The following CCDC190 variants were observed in gnomAD, a reference collection of about 807,000 sequenced individuals.
The protein encoded by CCDC190 is coiled-coil domain containing 190, also known as coiled-coil domain-containing protein 190.
Under a neutral mutation model 13.1 loss-of-function variants are expected in CCDC190, and 10 were observed. The observed-to-expected ratio is 0.77, with a 90% CI of 0.47 to 1.30. The LOEUF (loss-of-function observed/expected upper bound fraction) is 1.30. Among genes scored for constraint, CCDC190 ranks in the 50% most tolerant of loss-of-function variants. The pLI, the probability that CCDC190 is intolerant of heterozygous loss-of-function variation, is 0.00. For missense variants in CCDC190, 375 were observed against 354.3 expected (o/e 1.06, Z -0.47); for synonymous variants, 136 against 127.2 (o/e 1.07, Z -0.47).
In CCDC190 at chr1:162,854,876, C is replaced by T. The variant is rs1650229966; in HGVS notation, c.795G>A (p.Glu265=). The T allele has an allele frequency of 6.2e-7, 1 of 1,614,068 alleles. No homozygotes were observed. Among genetic ancestry groups the T allele is most frequent in the South Asian group, 1.1e-5 (1 of 91,084 alleles). ...AHYLRHRVPP[E]SERLLSIGEI... is the part of the protein sequence containing the mutation. ...CTCCAATGCTAAGCAACCTCTCAGACTCAGGGGGGACCCTGTGCCGGAGAT... is the reference window on the plus strand; with the variant it reads ...CTCCAATGCTAAGCAACCTCTCAGATTCAGGGGGGACCCTGTGCCGGAGAT... Residue 265 remains glutamate, a synonymous_variant, in exon 4 of 4, where the codon GAG becomes GAA. Coordinates refer to ENST00000367912, the MANE Select transcript of CCDC190 (RefSeq NM_001394065.1).
chr1:162,857,640 C>T (rs1234668910), intron 2 of CCDC190, among the ~76,000 whole-genome samples: 2 of 152,174 alleles, frequency 1.3e-5, no homozygotes, highest in Non-Finnish European at 2.9e-5. Flanking sequence ...CCATTTTCCT[C>T]CTCCTCTAAG....
chr1:162,855,303 G>A lies in CCDC190; in HGVS notation c.368C>T (p.Pro123Leu). 6.2e-7 allele frequency: 1 copy of A among 1,613,374 alleles called. No individual in the cohort carries two copies. The change falls in exon 4 of 4, where the codon CCT becomes CTT. Residue 123 changes from proline to leucine, a missense_variant. Pro to Leu is a moderately conservative substitution (Grantham distance 98). Transcript: ENST00000367912. ...DTCKSKSQVP[P>L]SHDAGLKDPM... ...GTCTTTGAGGCCAGCATCATGTGAA[G>A]GAGGCACCTGGGACTTGCTTTTGCA... is the stretch of plus-strand genomic sequence containing the variant.
At chr1:162,863,096 A>T (rs905325254), upstream of CCDC190, among the ~76,000 whole-genome samples, 1 of 152,196 alleles carries the variant, frequency 6.6e-6, no homozygotes, top group African/African-American at 2.4e-5. Context: ...TGCTTCCACC[A>T]CCAGAGAAAG....
intron 2 of CCDC190, among the ~76,000 whole-genome samples, chr1:162,856,153 A>G (rs530355329): frequency 5.9e-5 from 9 of 152,328 alleles, no homozygotes; most frequent in South Asian, 2.1e-4. Flanking sequence ...CACCCGGTTT[A>G]TAGTTCTTTG....
chr1:162,863,504 T>TAA (rs5778300), upstream of CCDC190, among the ~76,000 whole-genome samples: 5 of 151,710 alleles, frequency 3.3e-5, no homozygotes, highest in South Asian at 4.2e-4. Flanking sequence ...TTCATGAAAT[T>TAA]AAAAAAAACT....
In CCDC190 at chr1:162,853,375, A is replaced by C. The variant is rs183013604; in HGVS notation, c.*1390T>G. Among the ~76,000 whole-genome samples the C allele has an allele frequency of 8.0e-4, 122 of 152,358 alleles. 1 individual carries two copies. The highest frequency in any genetic ancestry group is 2.8e-3 in the African/African-American group (116 of 41,586). ...ACTATTTTGCAAAGAAAACTTTTGC[A>C]GCATTGTTTTGAGGATCAGTTGGCA... On this transcript the variant is annotated 3_prime_UTR_variant, in exon 4 of 4. Coordinates refer to ENST00000367912, the MANE Select transcript of CCDC190 (RefSeq NM_001394065.1).
chr1:162,859,709 A>G, intron 1 of CCDC190, 51 bp from the exon 2 acceptor site: 2 of 1,456,780 alleles, frequency 1.4e-6, no homozygotes, highest in Non-Finnish European at 1.9e-6. Context: ...AGACTGGGAT[A>G]CTGACCCCGG....
Position 162,854,228 on chromosome 1 carries a change from G to A in CCDC190, c.*537C>T. ...ATGAGCAGGTTGAAAGTGGGAGGGTGAAAACTAAAATGGAGCTATCTGTAA... is the reference window on the plus strand; with the variant it reads ...ATGAGCAGGTTGAAAGTGGGAGGGTAAAAACTAAAATGGAGCTATCTGTAA... On this transcript the variant is annotated 3_prime_UTR_variant, in exon 4 of 4. Coordinates refer to ENST00000367912, the MANE Select transcript of CCDC190 (RefSeq NM_001394065.1). 1.0e-6 allele frequency: 1 copy of A among 985,478 alleles called. No individual in the cohort carries two copies. The highest frequency in any genetic ancestry group is 1.2e-6 in the Non-Finnish European group (1 of 829,966). 61.0% of individuals were successfully genotyped at this position (985,478 alleles called of 1,614,324 possible).
At chr1:162,867,719 T>C (rs915086745) in intron 1 of CCDC190, among the ~76,000 whole-genome samples, 2 of 152,184 alleles carry the variant, frequency 1.3e-5, no homozygotes, top group Non-Finnish European at 2.9e-5. Context: ...AAACAAATTG[T>C]GGTTCATCCA....
intron 1 of CCDC190, among the ~76,000 whole-genome samples, chr1:162,868,011 G>A (rs940610895): frequency 7.2e-5 from 11 of 152,096 alleles, no homozygotes; most frequent in African/African-American, 2.2e-4. Context: ...TATATTTGTC[G>A]AAGCCAACAA....
At chr1:162,856,035 A>G (rs1449435328) in intron 2 of CCDC190, 2 of 243,846 alleles carry the variant, frequency 8.2e-6, no homozygotes, top group Non-Finnish European at 1.6e-5. Flanking sequence ...AGAGGCCTGA[A>G]ACAGAGCCTG....
chr1:162,864,741 A>G (rs1405825295), upstream of CCDC190, among the ~76,000 whole-genome samples: 1 of 152,170 alleles, frequency 6.6e-6, no homozygotes, highest in Non-Finnish European at 1.5e-5. Context: ...AAATAATATA[A>G]CAAAGAATTA....
At chr1:162,860,585 T>C (rs998943095) in intron 1 of CCDC190, among the ~76,000 whole-genome samples, 10 of 149,840 alleles carry the variant, frequency 6.7e-5, no homozygotes, top group African/African-American at 2.5e-4. Flanking sequence ...TGAGACAGAG[T>C]CTCACTCTGT....
chr1:162,859,841 A>T (rs1037462105), intron 1 of CCDC190, among the ~76,000 whole-genome samples, 183 bp from the exon 2 acceptor site: 1 of 152,022 alleles, frequency 6.6e-6, no homozygotes, highest in Non-Finnish European at 1.5e-5. Context: ...GAGGGTAGTC[A>T]TTCCTCTGAG....
chr1:162,863,502 A>AT (rs201471627), upstream of CCDC190, among the ~76,000 whole-genome samples: 2,464 of 50,588 alleles, frequency 0.049, 68 homozygotes, highest in African/African-American at 0.08. Context: ...AATTCATGAA[A>AT]TTAAAAAAAA....
rs1355215424 is a variant in CCDC190 at position 162,854,794 on chromosome 1, T to G, written c.877A>C (p.Arg293=). The G allele has an allele frequency of 6.2e-7, 1 of 1,611,662 alleles. No homozygotes were observed. Among genetic ancestry groups the G allele is most frequent in the Admixed American group, 1.7e-5 (1 of 59,890 alleles). ...AGAGGAAGAAACTTAGAAGGCACCC[T>G]GTTTTCACACTCCTTTCCTGCCCTG... is the stretch of plus-strand genomic sequence containing the variant. ...SSRAGKECEN[R]VPSKFLPL Residue 293 remains arginine, a synonymous_variant, in exon 4 of 4, where the codon AGG becomes CGG. Transcript: ENST00000367912.
chr1:162,851,674 A>C lies in CCDC190; in HGVS notation c.*3091T>G, dbSNP rs1230568346. The C allele has an allele frequency of 6.6e-6, 1 of 152,176 alleles. No individual in the cohort carries two copies. The highest frequency in any genetic ancestry group is 2.4e-5 in the African/African-American group (1 of 41,440). 9.4% of individuals were successfully genotyped at this position (152,176 alleles called of 1,614,324 possible). ...ATTGAATGAGTTAAGGCAACAAGTC[A>C]AAAGCCCCTTCTTCCTCATGGGGGA... On this transcript the variant is annotated 3_prime_UTR_variant, in exon 4 of 4. Coordinates refer to ENST00000367912, the MANE Select transcript of CCDC190 (RefSeq NM_001394065.1).
At position 162,854,377 on chromosome 1, in the gene CCDC190, A is replaced by AT. The variant is rs1650210591; in HGVS notation, c.*387dup. On this transcript the variant is annotated 3_prime_UTR_variant, in exon 4 of 4. Transcript: ENST00000367912. Reference sequence around the variant, plus strand: ...ACATTCCTATTCCTACCACTACTATATATCAAACTAAAACAGAGAGAATAG... The same window carrying AT: ...ACATTCCTATTCCTACCACTACTATATTATCAAACTAAAACAGAGAGAATAG... 2.0e-6 allele frequency: 2 copies of AT among 1,018,540 alleles called. No individual in the cohort carries two copies. Among genetic ancestry groups the AT allele is most frequent in the African/African-American group, 1.7e-5 (1 of 58,060 alleles). The allele number at this position is 1,018,540 out of a possible 1,614,324, so 63.1% of individuals were successfully genotyped here.
chr1:162,867,968 C>T (rs974835317), intron 1 of CCDC190, among the ~76,000 whole-genome samples: 6 of 152,126 alleles, frequency 3.9e-5, no homozygotes, highest in African/African-American at 1.4e-4. Flanking sequence ...AAGGAACTTT[C>T]CTGGGAGACA....
Sources: allele counts gnomAD v4.1 joint callset (sites outside exome capture counted in the v4.1 genomes callset), GRCh38; gene constraint gnomAD v4.1.1; transcripts MANE v1.5; gene names NCBI Gene and HGNC (gene_info 2026-07-23, HGNC 2026-07-21).